The following UQCC6 variants were observed in gnomAD, a reference collection of about 807,000 sequenced individuals.
UQCC6 encodes protein BRAWNIN.
the UQCC6 span, chr12:103,956,518 G>T: frequency 1.4e-6 from 1 of 695,174 alleles, no homozygotes; most frequent in Non-Finnish European, 2.5e-6. Flanking sequence ...GAGGAGAATG[G>T]AGTGGTCCAG....
the UQCC6 span, chr12:103,953,609 T>C: frequency 7.1e-6 from 5 of 701,640 alleles, no homozygotes; most frequent in Admixed American, 4.0e-5. Context: ...GTAAAGAACA[T>C]ATAAATGTTA....
At chr12:103,951,280 T>C in the UQCC6 span, 5 of 347,522 alleles carry the variant, frequency 1.4e-5, no homozygotes, top group East Asian at 2.3e-4. Context: ...TATTTCGCGT[T>C]ATATTCAAGA....
the UQCC6 span, among the ~76,000 whole-genome samples, chr12:103,951,913 TA>T: frequency 2.9e-3 from 441 of 152,336 alleles, 7 homozygotes; most frequent in African/African-American, 9.9e-3. Flanking sequence ...CAGCTTTGAA[TA>T]AAACTTTCCA....
chr12:103,954,728 C>A, the UQCC6 span: 1 of 501,798 alleles, frequency 2.0e-6, no homozygotes, highest in African/African-American at 2.0e-5. Context: ...AAACAAGAAA[C>A]AGTAGTTAAC....
chr12:103,955,721 C>G, the UQCC6 span: 630 of 455,520 alleles, frequency 1.4e-3, 8 homozygotes, highest in South Asian at 9.1e-3. Flanking sequence ...CAGGCAGAGT[C>G]CAAACAGAAA....
chr12:103,951,674 A>G, the UQCC6 span: 9 of 1,103,454 alleles, frequency 8.2e-6, no homozygotes, highest in African/African-American at 1.4e-4. Context: ...CTAACCCTTA[A>G]TAAGGCTGTA....
chr12:103,963,081 T>G, the UQCC6 span, among the ~76,000 whole-genome samples: 5 of 151,692 alleles, frequency 3.3e-5, no homozygotes, highest in African/African-American at 1.2e-4. Flanking sequence ...ACACTTTTTT[T>G]TTTTTTTTTT....
the UQCC6 span, chr12:103,956,990 C>T: frequency 1.9e-6 from 1 of 515,986 alleles, no homozygotes; most frequent in Non-Finnish European, 3.5e-6. Flanking sequence ...GGGGCGCCGG[C>T]CTGCGTGCGG....
the UQCC6 span, among the ~76,000 whole-genome samples, chr12:103,960,714 C>G: frequency 6.6e-6 from 1 of 152,154 alleles, no homozygotes; most frequent in African/African-American, 2.4e-5. Flanking sequence ...ACATACACGA[C>G]AGGTGGCCCC....
the UQCC6 span, among the ~76,000 whole-genome samples, chr12:103,964,803 G>A: frequency 6.6e-6 from 1 of 152,202 alleles, no homozygotes; most frequent in South Asian, 2.1e-4. Flanking sequence ...CAGGTTCTGA[G>A]TAGTGTCTAC....
At chr12:103,955,835 A>C in the UQCC6 span, 1 of 455,254 alleles carries the variant, frequency 2.2e-6, no homozygotes, top group African/African-American at 2.0e-5. Flanking sequence ...CACCTCCCCA[A>C]GACTCTAATT....
the UQCC6 span, among the ~76,000 whole-genome samples, chr12:103,961,935 T>A: frequency 7.2e-5 from 11 of 152,296 alleles, no homozygotes; most frequent in Admixed American, 6.5e-4. Context: ...CCTACAGTAT[T>A]CACTATAGTA....
chr12:103,960,917 T>C, the UQCC6 span, among the ~76,000 whole-genome samples: 1 of 152,212 alleles, frequency 6.6e-6, no homozygotes, highest in Non-Finnish European at 1.5e-5. Flanking sequence ...ACTATACTTT[T>C]ATGGTTCTTA....
At chr12:103,955,016 T>C in the UQCC6 span, 1 of 696,032 alleles carries the variant, frequency 1.4e-6, no homozygotes, top group Non-Finnish European at 2.6e-6. Context: ...AATTAACTGA[T>C]GTTAAAAATA....
At chr12:103,961,849 C>T in the UQCC6 span, among the ~76,000 whole-genome samples, 4 of 152,240 alleles carry the variant, frequency 2.6e-5, no homozygotes, top group South Asian at 4.1e-4. Context: ...CGTGAGCCAC[C>T]GTGCTGGGCC....
chr12:103,951,731 G>A, the UQCC6 span: 1 of 637,906 alleles, frequency 1.6e-6, no homozygotes, highest in Non-Finnish European at 2.7e-6. Flanking sequence ...ATAACAAAAA[G>A]TTCCCTTGCT....
At chr12:103,960,243 A>G in the UQCC6 span, among the ~76,000 whole-genome samples, 3 of 151,660 alleles carry the variant, frequency 2.0e-5, no homozygotes, top group African/African-American at 4.8e-5. Flanking sequence ...GCTAATTTGT[A>G]TATTTTTTTA....
chr12:103,953,419 G>A, the UQCC6 span: 1 of 702,280 alleles, frequency 1.4e-6, no homozygotes, highest in South Asian at 1.5e-5. Flanking sequence ...AGCACCTGTA[G>A]CAGTTCTCCC....
the UQCC6 span, chr12:103,950,334 A>G: frequency 2.6e-5 from 4 of 152,216 alleles, no homozygotes; most frequent in Non-Finnish European, 5.9e-5. Context: ...AGGAAACAGG[A>G]CTGAGCAGAG....
Sources: gnomAD v4.1 joint callset for allele counts (sites outside exome capture counted in the v4.1 genomes callset) on GRCh38, gnomAD v4.1.1 for gene constraint, MANE v1.5 for transcripts, NCBI Gene and HGNC (gene_info 2026-07-23, HGNC 2026-07-21) for gene names.